Variants in DDB2 observed in about 807,000 individuals in gnomAD.
The protein encoded by DDB2 is DNA damage-binding protein 2.
Under a neutral mutation model 50.5 loss-of-function variants are expected in DDB2, and 27 were observed. The observed-to-expected ratio is 0.53, with a 90% CI of 0.39 to 0.74. DDB2 has a LOEUF of 0.74. Ranked by LOEUF, DDB2 falls within the 30% of genes least tolerant of loss-of-function variation. DDB2 has a pLI of 0.00. For missense variants in DDB2, 424 were observed against 545.6 expected (o/e 0.78, Z 2.22); for synonymous variants, 176 against 205.5 (o/e 0.86, Z 1.23).
chr11:47,233,899 G>T (rs1953686058), intron 4 of DDB2, among the ~76,000 whole-genome samples: 1 of 152,150 alleles, frequency 6.6e-6, no homozygotes, highest in Non-Finnish European at 1.5e-5. Flanking sequence ...GATAGACAAG[G>T]CTCCAGGCTA....
At chr11:47,229,433 G>A (rs557111187) in intron 3 of DDB2, among the ~76,000 whole-genome samples, 31 of 152,278 alleles carry the variant, frequency 2.0e-4, no homozygotes, top group Non-Finnish European at 4.0e-4. Context: ...GGTTGAGGGA[G>A]TGGAGAGAGG....
chr11:47,228,138 C>CAA (rs35908583), intron 3 of DDB2, among the ~76,000 whole-genome samples: 45 of 57,194 alleles, frequency 7.9e-4, no homozygotes, highest in African/African-American at 1.0e-3. Context: ...GGCTCTGTCT[C>CAA]AAAAAAAAAA....
chr11:47,228,026 G>A (rs1953584526), intron 3 of DDB2, among the ~76,000 whole-genome samples: 1 of 151,044 alleles, frequency 6.6e-6, no homozygotes, highest in Non-Finnish European at 1.5e-5. Context: ...TGTCATCCCA[G>A]CTACCCGGGA....
rs1245937411 is a variant in DDB2 at position 47,216,902 on chromosome 11, A to G, written c.309A>G (p.Ile103Met). The part of the protein sequence containing the change: ...SFLHTLDSYR[I>M]LQKAAPFDRR... ...TGCACACTCTGGATTCTTACCGGAT[A>G]TTACAAAAGGCTGCCCCCTTTGACA... The change falls in exon 3 of 10, where the codon ATA (isoleucine) becomes ATG (methionine). Residue 103 changes from isoleucine (I) to methionine (M), a missense_variant. Transcript: ENST00000256996. The G allele has an allele frequency of 1.2e-6, 2 of 1,613,906 alleles. No homozygotes were observed. Among genetic ancestry groups the G allele is most frequent in the Admixed American group, 1.7e-5 (1 of 59,964 alleles).
chr11:47,230,415 T>A (rs1953630952), intron 3 of DDB2, among the ~76,000 whole-genome samples: 1 of 152,240 alleles, frequency 6.6e-6, no homozygotes, highest in African/African-American at 2.4e-5. Context: ...ACACGGCTTT[T>A]ATAGTAGTAA....
Position 47,237,997 on chromosome 11 carries a change from G to A in DDB2, c.1184G>A (p.Ser395Asn), listed in dbSNP as rs755246751. 4 of 1,614,192 alleles carry A rather than the reference G, an allele frequency of 2.5e-6. No homozygotes were observed. The highest frequency in any genetic ancestry group is 2.2e-5 in the South Asian group (2 of 91,078). ...TATGACCCAGAATCTTCTGGCATCAGTTCGGTGAGGCTTGGGTCCTCAAAT... is the reference window on the plus strand; with the variant it reads ...TATGACCCAGAATCTTCTGGCATCAATTCGGTGAGGCTTGGGTCCTCAAAT... Reference protein sequence around the residue: ...QLYDPESSGISSLNEFNPMGD... With the variant: ...QLYDPESSGINSLNEFNPMGD... The change falls in exon 8 of 10, where the codon AGT (serine) becomes AAT (asparagine). Residue 395 changes from serine to asparagine, a missense_variant. Transcript: ENST00000256996.
chr11:47,226,197 A>G (rs1407208448), intron 3 of DDB2, among the ~76,000 whole-genome samples: 1 of 151,852 alleles, frequency 6.6e-6, no homozygotes, highest in African/African-American at 2.4e-5. Context: ...ATTGTTTTCC[A>G]TACTGGCTAT....
chr11:47,228,587 G>A (rs1025252294), intron 3 of DDB2, among the ~76,000 whole-genome samples: 8 of 149,754 alleles, frequency 5.3e-5, no homozygotes, highest in Admixed American at 2.0e-4. Flanking sequence ...AGGTTGCAGT[G>A]AGCCAAGATT....
At chr11:47,221,451 T>TTTTGTTTTTTG (rs1471673055) in intron 3 of DDB2, among the ~76,000 whole-genome samples, 1 of 151,674 alleles carries the variant, frequency 6.6e-6, no homozygotes, top group African/African-American at 2.4e-5. Flanking sequence ...TTTTGTTTTG[T>TTTTGTTTTTTG]TTTGTTTTTT....
chr11:47,219,005 C>T (rs921570868), intron 3 of DDB2, among the ~76,000 whole-genome samples: 8 of 151,954 alleles, frequency 5.3e-5, no homozygotes, highest in African/African-American at 1.7e-4. Flanking sequence ...AGTGCAGTGG[C>T]GCAATCTTGG....
intron 3 of DDB2, among the ~76,000 whole-genome samples, chr11:47,226,500 C>T (rs1243768646): frequency 2.6e-5 from 4 of 151,626 alleles, no homozygotes; most frequent in South Asian, 2.1e-4. Flanking sequence ...CTTGAACTCC[C>T]GACCTCAGGT....
chr11:47,222,256 G>A (rs1459255391), intron 3 of DDB2, among the ~76,000 whole-genome samples: 2 of 151,768 alleles, frequency 1.3e-5, no homozygotes, highest in Non-Finnish European at 2.9e-5. Context: ...TAGAATCATA[G>A]AATATATGGT....
chr11:47,237,089 T>C (rs1953735830), intron 7 of DDB2, among the ~76,000 whole-genome samples: 1 of 152,214 alleles, frequency 6.6e-6, no homozygotes, highest in African/African-American at 2.4e-5. Flanking sequence ...ATTAGCAATT[T>C]TACACTCAGC....
chr11:47,235,463 C>T lies in DDB2; in HGVS notation c.1023+51C>T, dbSNP rs942452827. 7.0e-6 allele frequency: 11 copies of T among 1,581,652 alleles called. No homozygotes were observed. The Admixed American group carries it at 8.8e-5, about 13-fold the overall frequency. On this transcript the variant is annotated intron_variant, in intron 7 of 9. Transcript: ENST00000256996. ...CAGAAGGAGGCTGTGATCATGAGGC[C>T]GGAGCAGGTCTGCCCACAGTGGGGA... is the stretch of plus-strand genomic sequence containing the variant.
chr11:47,216,067 C>A, intron 1 of DDB2: 1 of 556,534 alleles, frequency 1.8e-6, no homozygotes. Context: ...TTGTGTGTTT[C>A]TTTGGCTGGG....
chr11:47,215,060 T>G lies in DDB2; in HGVS notation c.-77T>G. The G allele has an allele frequency of 6.2e-7, 1 of 1,609,528 alleles. No homozygotes were observed. Among genetic ancestry groups the G allele is most frequent in the Non-Finnish European group, 8.5e-7 (1 of 1,176,884 alleles). ...CCGCAGTTTTGTAGTCCCCGCCTTG[T>G]TTCTCCCCAGAGGCCTCTCAATCCT... On this transcript the variant is annotated 5_prime_UTR_variant, in exon 1 of 10. Transcript: ENST00000256996.
chr11:47,216,968 C>T lies in DDB2; in HGVS notation c.375C>T (p.Ser125=). ...TGGCGTGGCACCCAACTCACCCCAG[C>T]ACCGTGGCTGTGGGTTCCAAAGGGG... ...TSLAWHPTHP[S]TVAVGSKGGD... The change falls in exon 3 of 10, where the codon AGC becomes AGT. Residue 125 remains serine, a synonymous_variant. Coordinates refer to ENST00000256996, the MANE Select transcript of DDB2 (RefSeq NM_000107.3). 1 of 1,613,998 alleles carries T rather than the reference C, an allele frequency of 6.2e-7. No homozygotes were observed. The highest frequency in any genetic ancestry group is 1.6e-4 in the Middle Eastern group (1 of 6,062).
At chr11:47,232,613 T>G (rs1953665110) in intron 3 of DDB2, among the ~76,000 whole-genome samples, 1 of 152,162 alleles carries the variant, frequency 6.6e-6, no homozygotes, top group African/African-American at 2.4e-5. Flanking sequence ...CACTTCAGCC[T>G]AAGTGACAGA....
At chr11:47,229,294 C>T (rs61124822) in intron 3 of DDB2, among the ~76,000 whole-genome samples, 5,075 of 152,068 alleles carry the variant, frequency 0.033, 117 homozygotes, top group South Asian at 0.12. Flanking sequence ...AAGTCTGAAG[C>T]GGGGTTGAGG....
Sources: allele counts gnomAD v4.1 joint callset (sites outside exome capture counted in the v4.1 genomes callset), GRCh38; gene constraint gnomAD v4.1.1; transcripts MANE v1.5; gene names NCBI Gene and HGNC (gene_info 2026-07-23, HGNC 2026-07-21).